Variants in NCAM1 observed in about 807,000 individuals in gnomAD.
The protein encoded by NCAM1 is antigen recognized by monoclonal antibody 5.1H11.
A neutral mutation model predicts 109.8 loss-of-function variants in NCAM1; 14 were observed. The ratio of observed to expected loss-of-function variants is 0.13; its 90% CI spans 0.08 to 0.20. NCAM1 has a LOEUF of 0.20. NCAM1 is among the 10% of genes least tolerant of loss of function. The pLI is 1.00. For synonymous variants in NCAM1, 418 were observed against 442.9 expected (o/e 0.94, Z 0.70); for missense variants, 774 against 1,109.9 (o/e 0.70, Z 4.30).
intron 1 of NCAM1, among the ~76,000 whole-genome samples, chr11:113,100,731 G>A (rs568907297): frequency 6.6e-6 from 1 of 152,288 alleles, no homozygotes; most frequent in East Asian, 1.9e-4. Flanking sequence ...GAAGATGTGG[G>A]GGGGTGGGTG....
At chr11:113,043,692 T>G (rs781841907) in intron 1 of NCAM1, among the ~76,000 whole-genome samples, 4 of 152,188 alleles carry the variant, frequency 2.6e-5, no homozygotes, top group Non-Finnish European at 5.9e-5. Flanking sequence ...TTAAGAAGTC[T>G]TCTGTTCTCT....
At chr11:112,991,295 T>G (rs2134824009) in intron 1 of NCAM1, among the ~76,000 whole-genome samples, 1 of 152,270 alleles carries the variant, frequency 6.6e-6, no homozygotes, top group South Asian at 2.1e-4. Context: ...CCAGGGCACA[T>G]CAAATGATCA....
chr11:113,165,609 A>G (rs1477590380), intron 1 of NCAM1, among the ~76,000 whole-genome samples: 1 of 152,012 alleles, frequency 6.6e-6, no homozygotes, highest in East Asian at 1.9e-4. Flanking sequence ...TGGGACCATT[A>G]TGAGAGTAGA....
chr11:113,113,767 T>TAA (rs71060287), intron 1 of NCAM1, among the ~76,000 whole-genome samples: 1 of 150,436 alleles, frequency 6.6e-6, no homozygotes, highest in Non-Finnish European at 1.5e-5. Context: ...CAGGTTCTTT[T>TAA]AAAAAAAAAA....
chr11:113,271,806 G>C lies in NCAM1; in HGVS notation c.2386G>C (p.Glu796Gln). Residue 796 changes from glutamate to glutamine, a missense_variant, in exon 19 of 20, where the codon GAG (glutamate) becomes CAG (glutamine). Physicochemically the swap from Glu to Gln is conservative, Grantham distance 29. Coordinates refer to ENST00000316851, the MANE Select transcript of NCAM1 (RefSeq NM_181351.5). ...CATCGTGGAGGTTCGAACGGAGGAG[G>C]AGAGGACCCCAAACCATGATGGAGG... ...EPIVEVRTEE[E>Q]RTPNHDGGKH... is the part of the protein sequence containing the mutation. 6.4e-7 allele frequency: 1 copy of C among 1,570,828 alleles called. No homozygotes were observed.
intron 1 of NCAM1, among the ~76,000 whole-genome samples, chr11:113,143,208 A>G (rs190555700): frequency 3.3e-5 from 5 of 152,330 alleles, no homozygotes; most frequent in East Asian, 1.9e-4. Context: ...CTAGGATTCA[A>G]TTAGGTTTCA....
At chr11:112,989,643 G>T (rs1177726220) in intron 1 of NCAM1, among the ~76,000 whole-genome samples, 1 of 152,124 alleles carries the variant, frequency 6.6e-6, no homozygotes, top group African/African-American at 2.4e-5. Context: ...GATTGTTGGA[G>T]CTTTATTAGT....
intron 1 of NCAM1, among the ~76,000 whole-genome samples, chr11:113,196,358 C>A (rs555937635): frequency 6.6e-6 from 1 of 152,288 alleles, no homozygotes; most frequent in Non-Finnish European, 1.5e-5. Context: ...TTCTGACCAG[C>A]AATTCAAATG....
At chr11:113,201,284 TC>T (rs1944050664) in intron 1 of NCAM1, among the ~76,000 whole-genome samples, 1 of 152,090 alleles carries the variant, frequency 6.6e-6, no homozygotes, top group Admixed American at 6.5e-5. Flanking sequence ...TGCGAGCCGG[TC>T]ACCATGGCAA....
At chr11:113,271,517 T>C (rs1303006519) in intron 18 of NCAM1, among the ~76,000 whole-genome samples, 1 of 152,130 alleles carries the variant, frequency 6.6e-6, no homozygotes, top group Non-Finnish European at 1.5e-5. Flanking sequence ...CATTGAATTC[T>C]CATAACTAGG....
chr11:113,221,142 G>A (rs1026929523), intron 8 of NCAM1, among the ~76,000 whole-genome samples, 154 bp from the exon 9 acceptor site: 4 of 152,166 alleles, frequency 2.6e-5, no homozygotes, highest in African/African-American at 4.8e-5. Context: ...ATTAAATTGT[G>A]TAATAAACAC....
chr11:113,169,994 G>C (rs189755452), intron 1 of NCAM1, among the ~76,000 whole-genome samples: 2 of 152,142 alleles, frequency 1.3e-5, no homozygotes, highest in African/African-American at 2.4e-5. Flanking sequence ...TGATTTCCAG[G>C]CATCTTCATT....
chr11:112,981,387 C>A (rs1951151945), intron 1 of NCAM1, among the ~76,000 whole-genome samples: 1 of 151,872 alleles, frequency 6.6e-6, no homozygotes. Context: ...TGTGAAACGT[C>A]CTCCTCAGTG....
intron 1 of NCAM1, among the ~76,000 whole-genome samples, chr11:113,196,813 A>G (rs1943868872): frequency 6.6e-6 from 1 of 152,210 alleles, no homozygotes; most frequent in Admixed American, 6.5e-5. Context: ...TTGGTGGTGA[A>G]GAGACCCTTT....
At position 112,962,130 on chromosome 11, in the gene NCAM1, G is replaced by T. The variant is rs563799347; in HGVS notation, c.52+466G>T. The stretch of plus-strand genomic sequence containing the variant: ...AGTGAACAATAAGGCTAGGGCAGCC[G>T]CCCCAGATCGTTATATTCCTGGGTC... On this transcript the variant is annotated intron_variant, in intron 1 of 19. Coordinates refer to ENST00000316851, the MANE Select transcript of NCAM1 (RefSeq NM_181351.5). This position sits in a 1 kb window ranked among gnomAD's most constrained non-coding sequence, Gnocchi z 5.6. Among the ~76,000 whole-genome samples, 1 of 152,294 alleles carries T rather than the reference G, an allele frequency of 6.6e-6. No homozygotes were observed. The highest frequency in any genetic ancestry group is 2.1e-4 in the South Asian group (1 of 4,832).
At chr11:113,205,700 C>T (rs782071211) in intron 4 of NCAM1, 34 bp downstream of exon 4, 58 of 1,601,278 alleles carry the variant, frequency 3.6e-5, no homozygotes, top group Non-Finnish European at 4.9e-5. Context: ...CTGCCTTTTC[C>T]CCAGGCCACC....
chr11:112,983,805 A>G (rs1951218302), intron 1 of NCAM1, among the ~76,000 whole-genome samples: 1 of 151,992 alleles, frequency 6.6e-6, no homozygotes, highest in Admixed American at 6.6e-5. Flanking sequence ...GTTTTGATAT[A>G]CATGTACATA....
At chr11:113,194,426 C>G (rs1344967288) in intron 1 of NCAM1, among the ~76,000 whole-genome samples, 3 of 152,148 alleles carry the variant, frequency 2.0e-5, no homozygotes, top group Non-Finnish European at 4.4e-5. Context: ...ACCAGGACTG[C>G]TTGCTGCATG....
At chr11:113,201,641 G>A (rs782377981) in intron 1 of NCAM1, among the ~76,000 whole-genome samples, 5 of 152,234 alleles carry the variant, frequency 3.3e-5, no homozygotes, top group Non-Finnish European at 7.3e-5. Flanking sequence ...GCAGTGGAAT[G>A]ACAGAGCATA....
Sources: gnomAD v4.1 joint callset for allele counts (sites outside exome capture counted in the v4.1 genomes callset) on GRCh38, gnomAD v4.1.1 for gene constraint, Gnocchi (gnomAD v3.1) non-coding constraint, MANE v1.5 for transcripts, NCBI Gene and HGNC (gene_info 2026-07-23, HGNC 2026-07-21) for gene names.